RGS6: variants seen among roughly 807,000 people sequenced by gnomAD.
RGS6 encodes the protein regulator of G-protein signaling 6.
A neutral mutation model predicts 78.5 loss-of-function variants in RGS6; 30 were observed. The ratio of observed to expected loss-of-function variants is 0.38; its 90% CI spans 0.29 to 0.52. The LOEUF (loss-of-function observed/expected upper bound fraction) is 0.52, where lower values mean the gene tolerates loss of function less well. Ranked by LOEUF, RGS6 falls within the 20% of genes least tolerant of loss-of-function variation. RGS6 has a pLI of 0.85. For missense variants in RGS6, 495 were observed against 609.7 expected, an observed-to-expected ratio of 0.81 and a Z score of 1.98; for synonymous variants, 206 against 206.0, an observed-to-expected ratio of 1.00 and a Z score of 0.00.
chr14:72,530,543 T>C (rs994877740), intron 15 of RGS6, among the ~76,000 whole-genome samples: 2 of 151,996 alleles, frequency 1.3e-5, no homozygotes, highest in Non-Finnish European at 2.9e-5. Context: ...ATATAAAAAT[T>C]AGCCAGGCGT....
chr14:71,942,034 A>C (rs2090674840), intron 1 of RGS6, among the ~76,000 whole-genome samples: 1 of 152,210 alleles, frequency 6.6e-6, no homozygotes, highest in South Asian at 2.1e-4. Context: ...GCATTGGTTG[A>C]ATCAATATTA....
At chr14:72,287,344 G>T (rs1174345738) in intron 2 of RGS6, among the ~76,000 whole-genome samples, 1 of 152,144 alleles carries the variant, frequency 6.6e-6, no homozygotes, top group African/African-American at 2.4e-5. Flanking sequence ...GTAGTATGTT[G>T]AAAGTAAGTG....
At chr14:72,124,380 C>G (rs758911561) in intron 2 of RGS6, among the ~76,000 whole-genome samples, 1 of 152,038 alleles carries the variant, frequency 6.6e-6, no homozygotes, top group Non-Finnish European at 1.5e-5. Context: ...TTCTTAATAA[C>G]GAACACAATA....
At chr14:71,970,853 T>A (rs1017826681) in intron 2 of RGS6, among the ~76,000 whole-genome samples, 1 of 152,004 alleles carries the variant, frequency 6.6e-6, no homozygotes, top group Non-Finnish European at 1.5e-5. Context: ...ATGTAGTCCA[T>A]CCCAGGAGAG....
intron 3 of RGS6, among the ~76,000 whole-genome samples, chr14:72,437,277 G>A (rs1400232059): frequency 6.7e-6 from 1 of 149,310 alleles, no homozygotes; most frequent in South Asian, 2.1e-4. Flanking sequence ...GGAGGCGGGG[G>A]TTGCAGTGAG....
chr14:72,345,206 G>A (rs1012122039), intron 2 of RGS6, among the ~76,000 whole-genome samples: 2 of 152,242 alleles, frequency 1.3e-5, no homozygotes, highest in East Asian at 3.9e-4. Flanking sequence ...GAGCTGGGCA[G>A]CCATCAGGCA....
intron 6 of RGS6, 54 bp downstream of exon 6, chr14:72,459,737 G>A (rs2095729311): frequency 3.2e-6 from 5 of 1,576,322 alleles, no homozygotes; most frequent in African/African-American, 1.3e-5. Flanking sequence ...TGTCACTTCT[G>A]GGGGTGCAGA....
At chr14:72,212,858 GA>G (rs1173515639) in intron 2 of RGS6, among the ~76,000 whole-genome samples, 4 of 152,192 alleles carry the variant, frequency 2.6e-5, no homozygotes, top group Admixed American at 2.6e-4. Flanking sequence ...TGTACATCCA[GA>G]GAGGAACAGG....
At chr14:72,083,066 AT>A (rs2094889407) in intron 2 of RGS6, among the ~76,000 whole-genome samples, 1 of 152,182 alleles carries the variant, frequency 6.6e-6, no homozygotes, top group Non-Finnish European at 1.5e-5. Flanking sequence ...AAGAAATGCC[AT>A]TTGCCTTTTG....
At chr14:72,381,738 G>T (rs769543486) in intron 3 of RGS6, among the ~76,000 whole-genome samples, 2 of 152,024 alleles carry the variant, frequency 1.3e-5, no homozygotes, top group Non-Finnish European at 2.9e-5. Flanking sequence ...ATATCAAAAG[G>T]AATGATAAAT....
intron 2 of RGS6, among the ~76,000 whole-genome samples, chr14:72,302,293 C>T (rs2066241520): frequency 6.6e-6 from 1 of 152,158 alleles, no homozygotes; most frequent in Admixed American, 6.5e-5. Context: ...AGTAATTTGC[C>T]CATAGCCAAT....
At chr14:72,150,746 A>G (rs1020802855) in intron 2 of RGS6, among the ~76,000 whole-genome samples, 2 of 152,066 alleles carry the variant, frequency 1.3e-5, no homozygotes, top group Admixed American at 6.6e-5. Flanking sequence ...ATCCACCCCT[A>G]CCACCCAGTC....
chr14:72,418,042 C>T (rs2093949569), intron 3 of RGS6, among the ~76,000 whole-genome samples: 1 of 152,200 alleles, frequency 6.6e-6, no homozygotes, highest in East Asian at 1.9e-4. Flanking sequence ...ACCTTTCCTC[C>T]ATCTGCCTGT....
intron 2 of RGS6, among the ~76,000 whole-genome samples, chr14:72,202,774 T>C (rs746200798): frequency 6.6e-6 from 1 of 152,028 alleles, no homozygotes; most frequent in Non-Finnish European, 1.5e-5. Context: ...GGGCAGTAGA[T>C]GAAAGCAAAT....
At chr14:72,113,072 A>G in intron 2 of RGS6, among the ~76,000 whole-genome samples, 1 of 113,988 alleles carries the variant, frequency 8.8e-6, no homozygotes, top group South Asian at 2.9e-4. Flanking sequence ...TTACACACAC[A>G]CACACGCATG....
rs556462091 is a variant in RGS6 at position 72,435,083 on chromosome 14, A to G, written c.185-19445A>G. Among the ~76,000 whole-genome samples the G allele has an allele frequency of 3.0e-4, 46 of 152,296 alleles. 1 individual carries two copies. The highest frequency in any genetic ancestry group is 8.3e-4 in the South Asian group (4 of 4,816). ...GCTTGCAAATCCTCCAGGCCACCGC[A>G]TTTGTGATCAGTATCTTTCAGCTAA... is the stretch of plus-strand genomic sequence containing the variant. On this transcript the variant is annotated intron_variant, in intron 3 of 17. Transcript: ENST00000553525.
chr14:72,411,257 T>G (rs1320729237), intron 3 of RGS6, among the ~76,000 whole-genome samples: 1 of 152,206 alleles, frequency 6.6e-6, no homozygotes, highest in East Asian at 1.9e-4. Flanking sequence ...GAGTAGTGGT[T>G]TGTAGTTCTC....
intron 1 of RGS6, among the ~76,000 whole-genome samples, chr14:71,951,271 C>T (rs182350754): frequency 2.6e-4 from 39 of 152,080 alleles, no homozygotes; most frequent in African/African-American, 6.0e-4. Flanking sequence ...GTGGATGGAG[C>T]GGAAATCCAT....
At chr14:72,612,386 T>C in the RGS6 span, 3,411 of 492,372 alleles carry the variant, frequency 6.9e-3, 104 homozygotes, top group African/African-American at 0.061. Flanking sequence ...ATAATCATTC[T>C]ATATTTTCAT....
Sources: gnomAD v4.1 joint callset for allele counts (sites outside exome capture counted in the v4.1 genomes callset) on GRCh38, gnomAD v4.1.1 for gene constraint, MANE v1.5 for transcripts, NCBI Gene and HGNC (gene_info 2026-07-23, HGNC 2026-07-21) for gene names.